Variants in USP20 observed in about 807,000 individuals in gnomAD.
The protein encoded by USP20 is ubiquitin specific peptidase 20.
In USP20, 80 loss-of-function variants were observed where a neutral mutation model predicts 124.2. The ratio of observed to expected loss-of-function variants is 0.64; its 90% confidence interval spans 0.54 to 0.78. USP20 has a LOEUF of 0.78. Among genes scored for constraint, USP20 ranks in the 30% least tolerant of loss-of-function variants. USP20 has a pLI of 0.00. For missense variants in USP20, 1,043 were observed against 1,244.4 expected (o/e 0.84, Z 2.44); for synonymous variants, 481 against 512.3 (o/e 0.94, Z 0.83).
In USP20 at chr9:129,863,298, C is replaced by T. The variant is rs373465499; in HGVS notation, c.610C>T (p.Arg204Trp). The change falls in exon 9 of 26, where the codon CGG becomes TGG. Residue 204 changes from arginine to tryptophan, a missense_variant and splice_region_variant. By Grantham distance (101) the Arg-to-Trp change is moderately radical (BLOSUM62 -3). Coordinates refer to ENST00000372429, the MANE Select transcript of USP20 (RefSeq NM_001110303.4). ...GGTCTCTGAGGTCTGGCATAAGAAA[C>T]GGTGAGCAGCTGCATCCCTAGCCTT... ...KLVSEVWHKKRPSYVVPTSLS... is the reference protein window; with the variant it reads ...KLVSEVWHKKWPSYVVPTSLS... 44 of 1,542,758 alleles carry T rather than the reference C, an allele frequency of 2.9e-5. No homozygotes were observed. The highest frequency in any genetic ancestry group is 4.9e-5 in the East Asian group (2 of 40,792).
chr9:129,856,372 T>C lies in USP20; in HGVS notation c.135+12T>C. ...GGGCCTGTCTGCAGGTAAAAGACCC[T>C]TGTGGCCATCAGGGGTGTAGAGCTG... On this transcript the variant is annotated intron_variant, in intron 4 of 25. Transcript: ENST00000372429. 2 of 1,613,928 alleles carry C rather than the reference T, an allele frequency of 1.2e-6. No individual in the cohort carries two copies. Among genetic ancestry groups the C allele is most frequent in the South Asian group, 1.1e-5 (1 of 91,086 alleles).
rs539236435 is a variant in USP20 at position 129,838,421 on chromosome 9, T to G, written c.-129+2922T>G. ...AGTCATGGCTCAATAAATAGAAATT[T>G]CAGGAGAGCCAATTTCCATTGATTA... On this transcript the variant is annotated intron_variant, in intron 1 of 25. Transcript: ENST00000372429. Among the ~76,000 whole-genome samples the G allele has an allele frequency of 2.0e-5, 3 of 152,298 alleles. No individual in the cohort carries two copies. In the South Asian group the frequency reaches 6.2e-4, roughly 32 times the overall value.
intron 15 of USP20, among the ~76,000 whole-genome samples, chr9:129,871,994 G>A (rs138006393): frequency 6.6e-6 from 1 of 152,108 alleles, no homozygotes; most frequent in Admixed American, 6.5e-5. Flanking sequence ...GGGATTACCG[G>A]CGTGAGCCAC....
intron 17 of USP20, 36 bp from the exon 18 acceptor site, chr9:129,874,540 C>G (rs1272218191): frequency 6.2e-7 from 1 of 1,608,774 alleles, no homozygotes; most frequent in East Asian, 2.2e-5. Flanking sequence ...CGCATCATTT[C>G]TTCCTAGATG....
At chr9:129,872,062 G>A (rs191436507) in intron 15 of USP20, among the ~76,000 whole-genome samples, 86 of 152,296 alleles carry the variant, frequency 5.6e-4, no homozygotes, top group African/African-American at 2.0e-3. Context: ...GATGTTAAGT[G>A]TCTTTTCATA....
rs1481777380 is a variant in USP20, at chr9:129,873,074, CTTCTTCTTTTTT to C, written c.1661-405_1661-394del. Among the ~76,000 whole-genome samples, 119 of 57,618 alleles carry C rather than the reference CTTCTTCTTTTTT, an allele frequency of 2.1e-3. 1 individual carries two copies. Among genetic ancestry groups the C allele is most frequent in the Admixed American group, 5.7e-3 (23 of 4,032 alleles). 37.8% of individuals were successfully genotyped at this position (57,618 alleles called of 152,430 possible). A position where few individuals can be genotyped will look rare whatever the true frequency, so the allele number is the denominator to read the frequency against. ...TCAGGTTTTATTTCTTTTTCTTTTT[CTTCTTCTTTTTT>C]TTTTTTTTTTTTTGAGATGGAGTTT... is the stretch of plus-strand genomic sequence containing the variant. On this transcript the variant is annotated intron_variant, in intron 15 of 25. Coordinates refer to ENST00000372429, the MANE Select transcript of USP20 (RefSeq NM_001110303.4).
At chr9:129,861,080 C>G in intron 7 of USP20, 47 bp downstream of exon 7, 1 of 1,575,034 alleles carries the variant, frequency 6.3e-7, no homozygotes, top group Non-Finnish European at 8.7e-7. Flanking sequence ...GGCTGGGGGC[C>G]CTCATCTGGA....
chr9:129,842,130 A>C lies in USP20; in HGVS notation c.-129+6631A>C, dbSNP rs2032250476. 2.6e-5 allele frequency among the ~76,000 whole-genome samples: 4 copies of C among 152,074 alleles called. No homozygotes were observed. In the South Asian group the frequency reaches 8.3e-4, roughly 32 times the overall value. On this transcript the variant is annotated intron_variant, in intron 1 of 25. Transcript: ENST00000372429. ...CGTTTACTGTGCATTGGCTCACTTC[A>C]TCTTCTCAGTAACCCTAGGTGCTGT...
chr9:129,868,680 G>T (rs1016438483), intron 11 of USP20, among the ~76,000 whole-genome samples, 182 bp from the exon 12 acceptor site: 19 of 152,268 alleles, frequency 1.2e-4, no homozygotes, highest in African/African-American at 3.6e-4. Context: ...CTTCCAGCCG[G>T]ACATGGATTG....
At chr9:129,876,006 A>G (rs894233721) in intron 21 of USP20, 124 bp from the exon 22 acceptor site, 2 of 836,514 alleles carry the variant, frequency 2.4e-6, no homozygotes, top group Non-Finnish European at 3.7e-6. Flanking sequence ...ACAGAGGTGC[A>G]TGCAGGCCTG....
chr9:129,864,298 G>A (rs768294848), intron 9 of USP20, among the ~76,000 whole-genome samples: 3 of 150,194 alleles, frequency 2.0e-5, no homozygotes, highest in Admixed American at 6.7e-5. Context: ...GCAAGACCCC[G>A]CCTCTACAAA....
intron 4 of USP20, 135 bp from the exon 5 acceptor site, chr9:129,857,915 A>G (rs1321455627): frequency 2.6e-6 from 2 of 759,698 alleles, no homozygotes; most frequent in African/African-American, 1.7e-5. Flanking sequence ...TTCCTTTGAG[A>G]TGGCAGAGCC....
chr9:129,875,251 C>T, intron 19 of USP20, 59 bp from the exon 20 acceptor site: 1 of 1,509,608 alleles, frequency 6.6e-7, no homozygotes, highest in Non-Finnish European at 8.9e-7. Context: ...GGGGGCTCTG[C>T]ATGTGTCTGA....
At chr9:129,871,463 G>T (rs778318373) in intron 15 of USP20, among the ~76,000 whole-genome samples, 1 of 152,168 alleles carries the variant, frequency 6.6e-6, no homozygotes, top group African/African-American at 2.4e-5. Flanking sequence ...GTTAGCTATT[G>T]TGAGGAATGC....
chr9:129,863,319 G>C lies in USP20; in HGVS notation c.611+20G>C, dbSNP rs750480068. ...GAAACGGTGAGCAGCTGCATCCCTA[G>C]CCTTGGGCGGTGTGTGGGGACTGGG... On this transcript the variant is annotated intron_variant, in intron 9 of 25. Transcript: ENST00000372429. The C allele has an allele frequency of 1.1e-5, 17 of 1,532,966 alleles. No individual in the cohort carries two copies. In the East Asian group the frequency reaches 3.5e-4, roughly 31 times the overall value. 95.0% of individuals were successfully genotyped at this position (1,532,966 alleles called of 1,614,324 possible).
At chr9:129,853,888 G>T (rs1302207324) in intron 3 of USP20, among the ~76,000 whole-genome samples, 2 of 152,166 alleles carry the variant, frequency 1.3e-5, no homozygotes, top group Non-Finnish European at 2.9e-5. Flanking sequence ...ATCAGAGACT[G>T]GGCTTGTCTG....
At chr9:129,875,998 A>G (rs2034386557) in intron 21 of USP20, 132 bp from the exon 22 acceptor site, 1 of 811,190 alleles carries the variant, frequency 1.2e-6, no homozygotes, top group South Asian at 1.7e-5. Flanking sequence ...GTGCTCACAC[A>G]GAGGTGCATG....
rs370793241 is a variant in USP20 at position 129,873,534 on chromosome 9, G to A, written c.1694+19G>A. 12 of 1,613,956 alleles carry A rather than the reference G, an allele frequency of 7.4e-6. No homozygotes were observed. The highest frequency in any genetic ancestry group is 4.0e-5 in the African/African-American group (3 of 74,898). ...GTAAGAAGTAAGTGAGCCTTCCCCCGCCTTCTCCCTAACTGCCGTTTCTGT... is the reference window on the plus strand; with the variant it reads ...GTAAGAAGTAAGTGAGCCTTCCCCCACCTTCTCCCTAACTGCCGTTTCTGT... On this transcript the variant is annotated intron_variant, in intron 16 of 25. Coordinates refer to ENST00000372429, the MANE Select transcript of USP20 (RefSeq NM_001110303.4).
intron 8 of USP20, among the ~76,000 whole-genome samples, chr9:129,861,844 T>C (rs1439633080): frequency 1.3e-5 from 2 of 152,156 alleles, no homozygotes; most frequent in African/African-American, 2.4e-5. Context: ...CAGTGCTCTG[T>C]TGTTTACTGG....
Sources: allele counts gnomAD v4.1 joint callset (sites outside exome capture counted in the v4.1 genomes callset), GRCh38; gene constraint gnomAD v4.1.1; transcripts MANE v1.5; gene names NCBI Gene and HGNC (gene_info 2026-07-23, HGNC 2026-07-21).